USP13: variants seen among roughly 807,000 people sequenced by gnomAD.
USP13 encodes the protein ubiquitin specific peptidase 13, also known as ubiquitin carboxyl-terminal hydrolase 13.
In USP13, 68 loss-of-function variants were observed where a neutral mutation model predicts 107.8. The ratio of observed to expected loss-of-function variants is 0.63; its 90% CI spans 0.52 to 0.77. USP13 has a LOEUF of 0.77. Ranked by LOEUF, USP13 falls within the 30% of genes least tolerant of loss-of-function variation. USP13 has a pLI of 0.00. For missense variants in USP13, 945 were observed against 1,093.3 expected (o/e 0.86, Z 1.91); for synonymous variants, 377 against 389.5 (o/e 0.97, Z 0.38).
rs935884953 is a variant in USP13, at chr3:179,664,058, T to G, written c.168+10665T>G. On this transcript the variant is annotated intron_variant, in intron 1 of 20. Coordinates refer to ENST00000263966, the MANE Select transcript of USP13 (RefSeq NM_003940.3). ...TCTTGGAGAATTAAAAGGAAAAGAG[T>G]AGAGAACTGAAAACTACACAGTTTG... Among the ~76,000 whole-genome samples the G allele has an allele frequency of 1.2e-4, 18 of 151,762 alleles. 1 individual carries two copies. The highest frequency in any genetic ancestry group is 2.9e-5 in the Non-Finnish European group (2 of 67,984).
At chr3:179,674,592 G>A (rs1453999678) in intron 1 of USP13, among the ~76,000 whole-genome samples, 2 of 151,312 alleles carry the variant, frequency 1.3e-5, no homozygotes, top group Admixed American at 6.6e-5. Flanking sequence ...TATAGATACT[G>A]CATGTGTGAA....
At chr3:179,658,475 G>A (rs888769595) in intron 1 of USP13, among the ~76,000 whole-genome samples, 1 of 152,216 alleles carries the variant, frequency 6.6e-6, no homozygotes, top group African/African-American at 2.4e-5. Context: ...AGCTGTTTAT[G>A]CCTTGCCTTA....
intron 11 of USP13, 73 bp downstream of exon 11, chr3:179,740,445 T>C: frequency 6.3e-7 from 1 of 1,588,962 alleles, no homozygotes; most frequent in South Asian, 1.1e-5. Context: ...CAGTCTGCTG[T>C]GGCTTGATCA....
chr3:179,776,181 C>G (rs1576994808), intron 19 of USP13, among the ~76,000 whole-genome samples: 1 of 152,210 alleles, frequency 6.6e-6, no homozygotes, highest in Non-Finnish European at 1.5e-5. Flanking sequence ...CAACTTTTTT[C>G]TCTAATGAAC....
At chr3:179,663,083 T>C (rs567594202) in intron 1 of USP13, among the ~76,000 whole-genome samples, 6 of 152,350 alleles carry the variant, frequency 3.9e-5, no homozygotes, top group African/African-American at 1.4e-4. Flanking sequence ...CCACTGTCTG[T>C]CTTCAGAATT....
rs761615355 is a variant in USP13, at chr3:179,678,107, G to A, written c.169-3771G>A. Among the ~76,000 whole-genome samples the A allele has an allele frequency of 4.6e-5, 7 of 152,170 alleles. No individual in the cohort carries two copies. The highest frequency in any genetic ancestry group is 8.8e-5 in the Non-Finnish European group (6 of 68,038). ...CAGCCTGCCTTAGGCCAGAGAGCTAGCTGGTGACAGAGCATGACCTCTATT... is the reference window on the plus strand; with the variant it reads ...CAGCCTGCCTTAGGCCAGAGAGCTAACTGGTGACAGAGCATGACCTCTATT... On this transcript the variant is annotated intron_variant, in intron 1 of 20. Transcript: ENST00000263966. The surrounding 1 kb of genome is among the most constrained non-coding windows in gnomAD (Gnocchi z 4.2).
chr3:179,765,856 C>G lies in USP13; in HGVS notation c.2413+8C>G. 6.2e-7 allele frequency: 1 copy of G among 1,613,340 alleles called. No homozygotes were observed. The highest frequency in any genetic ancestry group is 1.3e-5 in the African/African-American group (1 of 75,036). ...TCAAGGATGGATCTGGAAGTAAGTT[C>G]TTGCCTTAGAGGCTGTCTGAGCAGT... On this transcript the variant is annotated splice_region_variant and intron_variant, in intron 19 of 20. Coordinates refer to ENST00000263966, the MANE Select transcript of USP13 (RefSeq NM_003940.3).
At chr3:179,744,892 T>C in intron 12 of USP13, 151 bp from the exon 13 acceptor site, 1 of 875,900 alleles carries the variant, frequency 1.1e-6, no homozygotes, top group Non-Finnish European at 1.7e-6. Flanking sequence ...AGAACAGCCT[T>C]TCAGCAGGGG....
chr3:179,760,616 G>A (rs752326558), intron 16 of USP13, among the ~76,000 whole-genome samples: 6 of 149,286 alleles, frequency 4.0e-5, no homozygotes, highest in African/African-American at 1.2e-4. Flanking sequence ...ATTAAAAAAC[G>A]AACTTTTTCC....
chr3:179,738,898 G>A (rs1353535629), intron 10 of USP13, among the ~76,000 whole-genome samples: 1 of 152,120 alleles, frequency 6.6e-6, no homozygotes, highest in Non-Finnish European at 1.5e-5. Context: ...CTTTCCACCC[G>A]CTGCTGGCCC....
At chr3:179,773,702 A>T (rs1346323255) in intron 19 of USP13, among the ~76,000 whole-genome samples, 1 of 152,214 alleles carries the variant, frequency 6.6e-6, no homozygotes, top group African/African-American at 2.4e-5. Flanking sequence ...TAGGATATTT[A>T]AAGACAATTT....
intron 15 of USP13, 101 bp downstream of exon 15, chr3:179,754,955 A>G (rs1399152511): frequency 1.1e-5 from 15 of 1,404,922 alleles, no homozygotes; most frequent in Middle Eastern, 3.7e-4. Flanking sequence ...ACCACCACCC[A>G]TTGGTGGTCT....
intron 8 of USP13, among the ~76,000 whole-genome samples, chr3:179,727,163 GT>G (rs528617941): frequency 0.041 from 4,633 of 114,322 alleles, 190 homozygotes; most frequent in African/African-American, 0.12. Flanking sequence ...AATTTTTAAT[GT>G]TTTTTTTTTT....
At chr3:179,684,379 C>A (rs1009798919) in intron 2 of USP13, among the ~76,000 whole-genome samples, 2 of 151,952 alleles carry the variant, frequency 1.3e-5, no homozygotes, top group Non-Finnish European at 2.9e-5. Flanking sequence ...GGCGCCACCA[C>A]GGCTCATTGT....
chr3:179,668,594 T>C (rs1361919473), intron 1 of USP13, among the ~76,000 whole-genome samples: 1 of 152,190 alleles, frequency 6.6e-6, no homozygotes, highest in African/African-American at 2.4e-5. Context: ...TCTCACTCTG[T>C]TGTCCAGGCT....
intron 1 of USP13, among the ~76,000 whole-genome samples, chr3:179,657,920 G>T (rs1476755005): frequency 1.3e-5 from 2 of 152,118 alleles, no homozygotes; most frequent in Non-Finnish European, 2.9e-5. Context: ...CCCTGGACCA[G>T]CATGGAAATC....
At chr3:179,748,072 C>T (rs1560073124) in intron 13 of USP13, among the ~76,000 whole-genome samples, 3 of 152,130 alleles carry the variant, frequency 2.0e-5, no homozygotes, top group East Asian at 3.8e-4. Context: ...TTGTTATTGC[C>T]AGGTCATGTG....
intron 1 of USP13, among the ~76,000 whole-genome samples, chr3:179,664,208 C>A (rs1720526111): frequency 6.6e-6 from 1 of 151,552 alleles, no homozygotes; most frequent in Admixed American, 6.6e-5. Context: ...GCAACCTCTG[C>A]CTCCTGGGTT....
intron 19 of USP13, among the ~76,000 whole-genome samples, chr3:179,775,608 C>T (rs1414241326): frequency 1.3e-5 from 2 of 152,170 alleles, no homozygotes; most frequent in African/African-American, 4.8e-5. Context: ...TGCAGGAGCC[C>T]ACCACGGTGG....
Sources: allele counts gnomAD v4.1 joint callset (sites outside exome capture counted in the v4.1 genomes callset), GRCh38; gene constraint gnomAD v4.1.1; non-coding constraint Gnocchi (gnomAD v3.1); transcripts MANE v1.5; gene names NCBI Gene and HGNC (gene_info 2026-07-23, HGNC 2026-07-21).